The following PTK2 variants were observed in gnomAD, a reference collection of about 807,000 sequenced individuals.
The protein encoded by PTK2 is focal adhesion kinase 1.
In PTK2, 45 loss-of-function variants were observed where a neutral mutation model predicts 150.1. That is an observed-to-expected ratio of 0.30 (90% CI 0.24 to 0.38). The LOEUF (loss-of-function observed/expected upper bound fraction) is 0.38. Ranked by LOEUF, PTK2 falls within the 10% of genes least tolerant of loss-of-function variation. PTK2 has a pLI of 1.00. For missense variants in PTK2, 919 were observed against 1,307.3 expected (o/e 0.70, Z 4.58); for synonymous variants, 432 against 449.2 (o/e 0.96, Z 0.48).
intron 2 of PTK2, chr8:140,921,014 C>A (rs1378054075): frequency 1.9e-5 from 24 of 1,291,548 alleles, no homozygotes; most frequent in Non-Finnish European, 2.3e-5. Flanking sequence ...ACTAAGGTTC[C>A]CCTGTGTGCT....
At chr8:140,829,180 T>A (rs117442251) in intron 8 of PTK2, among the ~76,000 whole-genome samples, 3 of 152,354 alleles carry the variant, frequency 2.0e-5, no homozygotes, top group Non-Finnish European at 4.4e-5. Context: ...TATTCTTAAA[T>A]GCACGTCTTA....
chr8:140,877,765 C>T (rs1282366586), intron 4 of PTK2, among the ~76,000 whole-genome samples: 4 of 152,050 alleles, frequency 2.6e-5, no homozygotes, highest in Admixed American at 2.6e-4. Flanking sequence ...AATTTTTCTT[C>T]CTTTTGAGGA....
At chr8:140,794,050 C>T (rs945322029) in intron 12 of PTK2, among the ~76,000 whole-genome samples, 6 of 152,166 alleles carry the variant, frequency 3.9e-5, no homozygotes, top group African/African-American at 1.2e-4. Context: ...GCCTTCATTT[C>T]GCAAACCAGG....
At chr8:140,884,276 C>T (rs148224218) in intron 3 of PTK2, among the ~76,000 whole-genome samples, 132 of 152,228 alleles carry the variant, frequency 8.7e-4, no homozygotes, top group Non-Finnish European at 1.2e-3. Context: ...TTTTCTTCCT[C>T]GTGCTCTGTT....
chr8:140,743,422 A>C (rs1347840533), intron 19 of PTK2, 92 bp from the exon 23 acceptor site: 1 of 870,318 alleles, frequency 1.1e-6, no homozygotes, highest in African/African-American at 1.7e-5. Flanking sequence ...GGCACTTTGA[A>C]AGACAGCTTA....
chr8:140,944,808 G>A (rs2100177124), intron 1 of PTK2, among the ~76,000 whole-genome samples: 1 of 152,192 alleles, frequency 6.6e-6, no homozygotes, highest in Non-Finnish European at 1.5e-5. Context: ...GTACTCTAGA[G>A]TTTGCAATCA....
chr8:140,664,186 G>T (rs1192516708), intron 31 of PTK2, among the ~76,000 whole-genome samples: 1 of 152,158 alleles, frequency 6.6e-6, no homozygotes, highest in South Asian at 2.1e-4. Context: ...GTTTCATCAT[G>T]TTGGCCAGGA....
intron 22 of PTK2, among the ~76,000 whole-genome samples, chr8:140,727,024 T>C (rs1194136482): frequency 6.6e-6 from 1 of 152,164 alleles, no homozygotes; most frequent in Non-Finnish European, 1.5e-5. Flanking sequence ...CTAACTAAAC[T>C]ATGAAAAGTT....
At chr8:140,827,687 C>T (rs1186685260) in intron 8 of PTK2, among the ~76,000 whole-genome samples, 3 of 152,144 alleles carry the variant, frequency 2.0e-5, no homozygotes, top group Non-Finnish European at 4.4e-5. Flanking sequence ...AGTGTCTCCC[C>T]TTATTTTACT....
chr8:140,670,017 A>G (rs1419186397), intron 29 of PTK2: 2 of 421,062 alleles, frequency 4.7e-6, no homozygotes, highest in South Asian at 4.3e-5. Context: ...AAGCCCGAGG[A>G]ACAATCCAGC....
exon 20 of PTK2, chr8:140,743,304 A>G: frequency 6.2e-7 from 1 of 1,613,586 alleles, no homozygotes; most frequent in Non-Finnish European, 8.5e-7. Flanking sequence ...ATTTGAGGAC[A>G]CCAGAACATT....
intron 4 of PTK2, among the ~76,000 whole-genome samples, chr8:140,868,477 G>A (rs189430226): frequency 1.3e-5 from 2 of 152,314 alleles, no homozygotes; most frequent in Admixed American, 6.5e-5. Context: ...GAATGTTGCA[G>A]TATCTATGTA....
intron 2 of PTK2, among the ~76,000 whole-genome samples, chr8:140,912,001 G>C (rs2100163356): frequency 6.6e-6 from 1 of 152,164 alleles, no homozygotes; most frequent in Admixed American, 6.5e-5. Context: ...GGGAGCCTGA[G>C]GCAGGAGGAT....
At chr8:140,942,693 A>G (rs1056323537) in intron 1 of PTK2, among the ~76,000 whole-genome samples, 3 of 152,166 alleles carry the variant, frequency 2.0e-5, no homozygotes, top group South Asian at 4.1e-4. Context: ...CTGTTTGCAT[A>G]TAAGTCACTT....
chr8:140,697,416 TTGTGTGTGTGTGTGTG>T (rs34459077), intron 26 of PTK2, among the ~76,000 whole-genome samples: 6 of 145,710 alleles, frequency 4.1e-5, no homozygotes, highest in East Asian at 4.1e-4. Context: ...AGAATACGGT[TTGTGTGTGTGTGTGTG>T]TGTGTGTGTG....
intron 5 of PTK2, among the ~76,000 whole-genome samples, chr8:140,851,831 C>A (rs1441691368): frequency 1.4e-5 from 2 of 144,294 alleles, no homozygotes; most frequent in Admixed American, 1.4e-4. Context: ...TGCTTTCCAG[C>A]GTGGGTGACA....
rs1433354113 is a variant in PTK2 at position 140,679,156 on chromosome 8, C to A, written c.2563-3657G>T. ...TCTCCTGCCTCAGCCTCCCAAGTAG[C>A]TGGGATTATAGGTGTGCACCACCAC... On this transcript the variant is annotated intron_variant, in intron 27 of 31. Coordinates refer to ENST00000522684, the Ensembl canonical transcript of PTK2. 1.3e-4 allele frequency among the ~76,000 whole-genome samples: 19 copies of A among 151,264 alleles called. No homozygotes were observed. In the Admixed American group the frequency reaches 1.3e-3, roughly 10 times the overall value.
At chr8:140,915,690 A>C (rs1226326624) in intron 2 of PTK2, among the ~76,000 whole-genome samples, 2 of 152,106 alleles carry the variant, frequency 1.3e-5, no homozygotes, top group Admixed American at 6.6e-5. Context: ...TGAGGTCAGG[A>C]GGTCAAGACC....
At chr8:140,785,052 C>T (rs1043526183) in intron 14 of PTK2, among the ~76,000 whole-genome samples, 1 of 152,194 alleles carries the variant, frequency 6.6e-6, no homozygotes. Flanking sequence ...TCTAGATCCT[C>T]GCTTTTTCTG....
Sources: gnomAD v4.1 joint callset for allele counts (sites outside exome capture counted in the v4.1 genomes callset) on GRCh38, gnomAD v4.1.1 for gene constraint, MANE v1.5 for transcripts, NCBI Gene and HGNC (gene_info 2026-07-23, HGNC 2026-07-21) for gene names.